The following DDHD1 variants were observed in gnomAD, a reference collection of about 807,000 sequenced individuals.
DDHD1 encodes phospholipase DDHD1.
DDHD1 carries 49 observed loss-of-function variants against 96.4 expected under a neutral mutation model. The ratio of observed to expected loss-of-function variants is 0.51; its 90% CI spans 0.40 to 0.64. DDHD1 has a LOEUF of 0.64. DDHD1 is among the 30% of genes least tolerant of loss of function. The pLI is 0.00. For missense variants in DDHD1, 1,106 were observed against 1,161.2 expected (o/e 0.95, Z 0.69); for synonymous variants, 442 against 446.5 (o/e 0.99, Z 0.13).
intron 1 of DDHD1, among the ~76,000 whole-genome samples, chr14:53,107,776 T>C (rs1341423988): frequency 1.3e-5 from 2 of 152,128 alleles, no homozygotes; most frequent in African/African-American, 2.4e-5. Context: ...CTGGATTTTC[T>C]AGGCTGACTA....
intron 8 of DDHD1, 73 bp from the exon 9 acceptor site, chr14:53,058,699 T>A: frequency 7.5e-7 from 1 of 1,327,280 alleles, no homozygotes; most frequent in Non-Finnish European, 1.0e-6. Context: ...GGGCATAACG[T>A]AATATATGGC....
intron 9 of DDHD1, 120 bp from the exon 10 acceptor site, chr14:53,056,032 A>C: frequency 1.3e-6 from 1 of 785,448 alleles, no homozygotes; most frequent in Non-Finnish European, 2.0e-6. Context: ...TTTAATTAAA[A>C]AACAATAGCT....
At chr14:53,145,502 C>CAAAA (rs34747977) in intron 1 of DDHD1, among the ~76,000 whole-genome samples, 1,131 of 61,632 alleles carry the variant, frequency 0.018, 48 homozygotes, top group African/African-American at 0.069. Context: ...AACCTTGTCT[C>CAAAA]AAAAAAAAAA....
chr14:53,132,999 C>T (rs1166849906), intron 1 of DDHD1, among the ~76,000 whole-genome samples: 2 of 152,220 alleles, frequency 1.3e-5, no homozygotes, highest in African/African-American at 2.4e-5. Flanking sequence ...AAAATATCTC[C>T]TTCCAGACTC....
At chr14:53,125,550 A>G (rs1889362647) in intron 1 of DDHD1, among the ~76,000 whole-genome samples, 1 of 152,188 alleles carries the variant, frequency 6.6e-6, no homozygotes, top group African/African-American at 2.4e-5. Context: ...AAGAATATGT[A>G]TTAACATAGT....
intron 1 of DDHD1, among the ~76,000 whole-genome samples, chr14:53,113,336 A>G (rs1355780564): frequency 7.0e-6 from 1 of 143,580 alleles, no homozygotes; most frequent in Non-Finnish European, 1.5e-5. Context: ...TAGCCATTCT[A>G]TATTTTCTTT....
In DDHD1 at chr14:53,152,792, A is replaced by G. The variant is rs1339196866; in HGVS notation, c.307T>C (p.Tyr103His). The change falls in exon 1 of 13, where the codon TAC becomes CAC. Residue 103 changes from tyrosine (Y) to histidine (H), a missense_variant. Tyr to His is a moderately conservative substitution (Grantham distance 83). Transcript: ENST00000673822. ...CCGCCGCCGCTCTCACCCTCGCTGT[A>G]GTAGCGCAGCGAGGAGCCCGACTCG... The part of the protein sequence containing the change: ...SAESGSSLRY[Y>H]SEGESGGGGS... 1 of 1,603,248 alleles carries G rather than the reference A, an allele frequency of 6.2e-7. No individual in the cohort carries two copies. The highest frequency in any genetic ancestry group is 2.3e-5 in the East Asian group (1 of 44,258).
intron 6 of DDHD1, among the ~76,000 whole-genome samples, chr14:53,071,750 T>C (rs896934607): frequency 3.9e-5 from 6 of 152,108 alleles, no homozygotes; most frequent in Non-Finnish European, 8.8e-5. Flanking sequence ...AGCTAGTGTT[T>C]GGCATAGAGT....
intron 1 of DDHD1, among the ~76,000 whole-genome samples, chr14:53,127,874 A>G (rs1889569004): frequency 6.6e-6 from 1 of 152,228 alleles, no homozygotes. Context: ...CCAAGACAGA[A>G]TAAGAAAGGT....
chr14:53,145,251 C>T (rs532968396), intron 1 of DDHD1, among the ~76,000 whole-genome samples: 3 of 152,146 alleles, frequency 2.0e-5, no homozygotes, highest in African/African-American at 7.2e-5. Flanking sequence ...GCAGTCCCAG[C>T]GCTGTGGGAG....
intron 9 of DDHD1, 59 bp downstream of exon 9, chr14:53,058,418 A>G: frequency 6.5e-7 from 1 of 1,548,056 alleles, no homozygotes. Flanking sequence ...CCCAGCTGAT[A>G]GATTCTTTTT....
intron 1 of DDHD1, among the ~76,000 whole-genome samples, chr14:53,105,427 C>T (rs1215126219): frequency 1.3e-5 from 2 of 151,766 alleles, no homozygotes; most frequent in African/African-American, 4.8e-5. Flanking sequence ...CTTGCATTCT[C>T]CTATATTCTG....
intron 7 of DDHD1, among the ~76,000 whole-genome samples, 172 bp downstream of exon 7, chr14:53,062,771 T>C (rs905184665): frequency 2.6e-5 from 4 of 152,192 alleles, no homozygotes; most frequent in Non-Finnish European, 4.4e-5. Context: ...AAAATGCATG[T>C]AATTAGCATG....
At chr14:53,119,272 T>C (rs2358187) in intron 1 of DDHD1, among the ~76,000 whole-genome samples, 131,634 of 152,194 alleles carry the variant, frequency 0.86, 57,012 homozygotes, top group East Asian at 0.98. Context: ...GCAAAATAAC[T>C]AGCTAGCATC....
At chr14:53,049,277 G>A (rs1882321626) in intron 12 of DDHD1, among the ~76,000 whole-genome samples, 1 of 152,154 alleles carries the variant, frequency 6.6e-6, no homozygotes, top group Non-Finnish European at 1.5e-5. Flanking sequence ...CTCCATCAAA[G>A]TGGGTATTAG....
intron 2 of DDHD1, among the ~76,000 whole-genome samples, chr14:53,099,401 T>C (rs1475096257): frequency 1.3e-5 from 2 of 152,234 alleles, no homozygotes; most frequent in South Asian, 2.1e-4. Context: ...TTTGTTGTCA[T>C]GTCTCCTTAG....
chr14:53,134,013 C>G (rs1042743421), intron 1 of DDHD1, among the ~76,000 whole-genome samples: 3 of 152,190 alleles, frequency 2.0e-5, no homozygotes, highest in Admixed American at 2.0e-4. Flanking sequence ...AAGTACTCTC[C>G]CCTACTTCCC....
At position 53,152,622 on chromosome 14, in the gene DDHD1, T is replaced by A; in HGVS notation, c.477A>T (p.Val159=). 1 of 1,613,510 alleles carries A rather than the reference T, an allele frequency of 6.2e-7. No individual in the cohort carries two copies. The highest frequency in any genetic ancestry group is 8.5e-7 in the Non-Finnish European group (1 of 1,179,922). The change falls in exon 1 of 13, where the codon GTA becomes GTT. Residue 159 remains valine (V), a synonymous_variant. Coordinates refer to ENST00000673822, the MANE Select transcript of DDHD1 (RefSeq NM_001160148.2). The part of the protein sequence containing the change: ...GGPAARHRYE[V]VTELGPEEVR... ...CCTCCTCCGGGCCCAGCTCCGTCACTACCTCATAGCGGTGCCGGGCCGCCG... is the reference window on the plus strand; with the variant it reads ...CCTCCTCCGGGCCCAGCTCCGTCACAACCTCATAGCGGTGCCGGGCCGCCG...
intron 11 of DDHD1, chr14:53,052,857 T>C (rs1882722347): frequency 6.6e-6 from 1 of 152,010 alleles, no homozygotes; most frequent in African/African-American, 2.4e-5. Flanking sequence ...TGACATAGTA[T>C]GTATTTTGTT....
Sources: gnomAD v4.1 joint callset for allele counts (sites outside exome capture counted in the v4.1 genomes callset) on GRCh38, gnomAD v4.1.1 for gene constraint, MANE v1.5 for transcripts, NCBI Gene and HGNC (gene_info 2026-07-23, HGNC 2026-07-21) for gene names.